The following CLASP1 variants were observed in gnomAD, a reference collection of about 807,000 sequenced individuals.
CLASP1 encodes CLIP-associating protein 1.
A neutral mutation model predicts 192.3 loss-of-function variants in CLASP1; 38 were observed. The observed-to-expected ratio is 0.20, with a 90% CI of 0.15 to 0.26. The LOEUF (loss-of-function observed/expected upper bound fraction) is 0.26, where lower values mean the gene tolerates loss of function less well. Ranked by LOEUF, CLASP1 falls within the 10% of genes least tolerant of loss-of-function variation. The probability of loss-of-function intolerance (pLI) is 1.00; values close to 1 mark genes in which losing one functional copy is unlikely to be tolerated. For synonymous variants in CLASP1, 691 were observed against 712.8 expected (o/e 0.97, Z 0.49); for missense variants, 1,433 against 1,932.5 (o/e 0.74, Z 4.85).
At chr2:121,622,873 CCT>C (rs1370249724) in intron 1 of CLASP1, among the ~76,000 whole-genome samples, 1 of 151,944 alleles carries the variant, frequency 6.6e-6, no homozygotes, top group Admixed American at 6.6e-5. Flanking sequence ...CTTTTTCTTC[CCT>C]AATTGTCCCG....
chr2:121,645,747 T>A (rs1425104066), intron 1 of CLASP1, among the ~76,000 whole-genome samples: 3 of 152,290 alleles, frequency 2.0e-5, no homozygotes, highest in East Asian at 1.9e-4. Flanking sequence ...AAAGGTGTTA[T>A]GGAAGAAATG....
At chr2:121,373,693 A>G (rs945668051) in intron 34 of CLASP1, among the ~76,000 whole-genome samples, 3 of 152,222 alleles carry the variant, frequency 2.0e-5, no homozygotes, top group Admixed American at 2.0e-4. Context: ...TTTAGCAAAC[A>G]GACTGGCAGC....
At chr2:121,618,233 G>C (rs1016727808) in intron 1 of CLASP1, among the ~76,000 whole-genome samples, 25 of 152,216 alleles carry the variant, frequency 1.6e-4, no homozygotes, top group African/African-American at 6.0e-4. Flanking sequence ...TTGCAAACAA[G>C]GTACTCCAGA....
At chr2:121,412,739 T>C (rs958668288) in intron 23 of CLASP1, among the ~76,000 whole-genome samples, 5 of 152,244 alleles carry the variant, frequency 3.3e-5, no homozygotes, top group Admixed American at 6.5e-5. Context: ...AGAGTGACTA[T>C]AGATCATTTG....
intron 2 of CLASP1, among the ~76,000 whole-genome samples, chr2:121,586,325 C>T (rs2061711214): frequency 1.3e-5 from 2 of 152,224 alleles, no homozygotes; most frequent in Admixed American, 1.3e-4. Context: ...TGGGGTTTCA[C>T]CGTGTTGGCC....
chr2:121,363,443 C>T (rs778852372), intron 36 of CLASP1, 143 bp from the exon 38 acceptor site: 7 of 901,796 alleles, frequency 7.8e-6, no homozygotes, highest in African/African-American at 1.7e-5. Flanking sequence ...TCACACAGTT[C>T]ACTTGAAATC....
At position 121,525,174 on chromosome 2, in the gene CLASP1, T is replaced by C. The variant is rs1206535562; in HGVS notation, c.546+671A>G. On this transcript the variant is annotated intron_variant, in intron 6 of 39. Coordinates refer to ENST00000263710, the Ensembl canonical transcript of CLASP1. ...TTTGTATGAGATGACATAATAAAAA[T>C]GACTCTGGTTGAGAAATAGCATTGA... is the stretch of plus-strand genomic sequence containing the variant. 3.3e-5 allele frequency among the ~76,000 whole-genome samples: 5 copies of C among 152,154 alleles called. No homozygotes were observed. In the East Asian group the frequency reaches 7.7e-4, roughly 23 times the overall value.
At chr2:121,635,805 T>C (rs1165250280) in intron 1 of CLASP1, among the ~76,000 whole-genome samples, 1 of 152,222 alleles carries the variant, frequency 6.6e-6, no homozygotes, top group Non-Finnish European at 1.5e-5. Context: ...CTAAGAGCAT[T>C]TGTCAAAAAT....
In CLASP1 at chr2:121,365,163, G is replaced by C. The variant is rs780253558; in HGVS notation, c.4008C>G (p.Ser1336Arg). 3 of 1,613,812 alleles carry C rather than the reference G, an allele frequency of 1.9e-6. No individual in the cohort carries two copies. The African/African-American group carries it at 4.0e-5, about 22-fold the overall frequency. Reference sequence around the variant, plus strand: ...TGAAGTGCTCCTCCCAGACACCAAGGCTGTCTTCCCGCGTGATCTTGAGCA... The same window carrying C: ...TGAAGTGCTCCTCCCAGACACCAAGCCTGTCTTCCCGCGTGATCTTGAGCA... The change falls in exon 36 of 40, where the codon AGC (serine) becomes AGG (arginine). Residue 1336 changes from serine to arginine, a missense_variant. By Grantham distance (110) the Ser-to-Arg change is moderately radical. Around this residue, in one of 8 missense-constraint regions of CLASP1, gnomAD observed 336 missense variants for 358.0 expected, o/e 0.94. Coordinates refer to ENST00000263710, the Ensembl canonical transcript of CLASP1.
intron 8 of CLASP1, among the ~76,000 whole-genome samples, chr2:121,479,813 C>T (rs1461081767): frequency 2.0e-5 from 3 of 152,180 alleles, no homozygotes; most frequent in African/African-American, 7.2e-5. Flanking sequence ...AAAAATCCCT[C>T]TCCCTGTTTA....
At chr2:121,530,866 G>T (rs766151276) in intron 2 of CLASP1, 2 of 678,486 alleles carry the variant, frequency 2.9e-6, no homozygotes, top group Non-Finnish European at 5.4e-6. Context: ...TGCAGCCCAG[G>T]GACTTTCTAT....
chr2:121,456,965 T>C (rs945833823), intron 14 of CLASP1, among the ~76,000 whole-genome samples: 2 of 152,226 alleles, frequency 1.3e-5, no homozygotes, highest in African/African-American at 4.8e-5. Context: ...AACTATTCTG[T>C]ACATTTACGA....
intron 2 of CLASP1, among the ~76,000 whole-genome samples, chr2:121,536,646 A>G (rs2095090171): frequency 6.6e-6 from 1 of 152,210 alleles, no homozygotes; most frequent in Non-Finnish European, 1.5e-5. Context: ...TACAACATGG[A>G]TGAACCTTGA....
At chr2:121,619,664 TA>T (rs1316241010) in intron 1 of CLASP1, among the ~76,000 whole-genome samples, 1 of 152,234 alleles carries the variant, frequency 6.6e-6, no homozygotes, top group Non-Finnish European at 1.5e-5. Context: ...AGTATTTTAA[TA>T]AAGTAAATTT....
intron 28 of CLASP1, among the ~76,000 whole-genome samples, chr2:121,399,974 T>C (rs1157693573): frequency 6.6e-6 from 1 of 152,082 alleles, no homozygotes; most frequent in South Asian, 2.1e-4. Context: ...ACTGAGCCCA[T>C]GTCCCAATGT....
At chr2:121,483,067 A>C (rs189306450) in intron 8 of CLASP1, among the ~76,000 whole-genome samples, 1 of 152,268 alleles carries the variant, frequency 6.6e-6, no homozygotes, top group African/African-American at 2.4e-5. Flanking sequence ...GAGGGGCTGA[A>C]ATAAGTAGTC....
At chr2:121,422,353 CAAAGTATTTTAACCAG>C (rs774517314) in intron 22 of CLASP1, among the ~76,000 whole-genome samples, 2 of 152,116 alleles carry the variant, frequency 1.3e-5, no homozygotes, top group Non-Finnish European at 2.9e-5. Flanking sequence ...TTAATTATTT[CAAAGTATTTTAACCAG>C]AAAACCTTAA....
chr2:121,444,716 A>G (rs1376739216), intron 19 of CLASP1, among the ~76,000 whole-genome samples: 2 of 152,242 alleles, frequency 1.3e-5, no homozygotes, highest in African/African-American at 4.8e-5. Context: ...CTTTAGTGCT[A>G]AAATTCACAA....
chr2:121,565,133 T>C (rs2059394545), intron 2 of CLASP1, among the ~76,000 whole-genome samples: 1 of 152,184 alleles, frequency 6.6e-6, no homozygotes, highest in Non-Finnish European at 1.5e-5. Context: ...ACATAATTTA[T>C]CATCTGAAGT....
Sources: gnomAD v4.1 joint callset for allele counts (sites outside exome capture counted in the v4.1 genomes callset) on GRCh38, gnomAD v4.1.1 for gene constraint, gnomAD v4.1.1 regional missense constraint, MANE v1.5 for transcripts, NCBI Gene and HGNC (gene_info 2026-07-23, HGNC 2026-07-21) for gene names.